The following PBX3 variants were observed in gnomAD, a reference collection of about 807,000 sequenced individuals.
PBX3 encodes the protein pre-B-cell leukemia transcription factor 3.
A neutral mutation model predicts 48.5 loss-of-function variants in PBX3; 14 were observed. That is an observed-to-expected ratio of 0.29 (90% CI 0.19 to 0.45). PBX3 has a LOEUF of 0.45. Among genes scored for constraint, PBX3 ranks in the 20% least tolerant of loss-of-function variants. The pLI is 1.00. For missense variants in PBX3, 386 were observed against 546.7 expected (o/e 0.71, Z 2.93); for synonymous variants, 210 against 200.3 (o/e 1.05, Z -0.41).
intron 2 of PBX3, among the ~76,000 whole-genome samples, chr9:125,848,272 A>G (rs1304145558): frequency 2.0e-5 from 3 of 152,058 alleles, no homozygotes; most frequent in African/African-American, 7.2e-5. Context: ...ACCTCAAGGT[A>G]TAGTCTCTTG....
intron 5 of PBX3, among the ~76,000 whole-genome samples, chr9:125,940,330 A>G (rs1406521917): frequency 6.6e-6 from 1 of 152,228 alleles, no homozygotes; most frequent in African/African-American, 2.4e-5. Flanking sequence ...AAACCTGCAT[A>G]TATAAGGCAA....
chr9:125,862,643 C>G (rs1305388212), intron 2 of PBX3, among the ~76,000 whole-genome samples: 1 of 152,060 alleles, frequency 6.6e-6, no homozygotes, highest in Non-Finnish European at 1.5e-5. Context: ...CCTTGGACTC[C>G]CAAAGTGCTG....
At chr9:125,927,295 A>G (rs1841599243) in intron 3 of PBX3, among the ~76,000 whole-genome samples, 1 of 152,252 alleles carries the variant, frequency 6.6e-6, no homozygotes, top group South Asian at 2.1e-4. Flanking sequence ...GTCACCACTC[A>G]CAAGGAATTT....
chr9:125,957,707 A>T (rs1057039990), intron 5 of PBX3, among the ~76,000 whole-genome samples: 1 of 152,164 alleles, frequency 6.6e-6, no homozygotes, highest in Non-Finnish European at 1.5e-5. Flanking sequence ...TCCAACAGAG[A>T]ATTGTTTGGA....
intron 2 of PBX3, among the ~76,000 whole-genome samples, chr9:125,856,793 A>G (rs926135302): frequency 6.6e-6 from 1 of 152,202 alleles, no homozygotes; most frequent in Non-Finnish European, 1.5e-5. Flanking sequence ...AGTGGTTATC[A>G]TGGTTGCCTC....
chr9:125,869,668 A>T (rs1016267294), intron 2 of PBX3, among the ~76,000 whole-genome samples: 1 of 152,202 alleles, frequency 6.6e-6, no homozygotes, highest in African/African-American at 2.4e-5. Context: ...AAATACCTGG[A>T]GCATGGGCAA....
intron 3 of PBX3, among the ~76,000 whole-genome samples, chr9:125,918,558 A>G (rs1478545933): frequency 6.6e-6 from 1 of 152,180 alleles, no homozygotes; most frequent in Non-Finnish European, 1.5e-5. Context: ...CGATCTAAAT[A>G]TATAGTTCCT....
chr9:125,918,309 A>AT (rs1459360715), intron 3 of PBX3, among the ~76,000 whole-genome samples: 1 of 151,994 alleles, frequency 6.6e-6, no homozygotes, highest in Non-Finnish European at 1.5e-5. Flanking sequence ...ATCCTACAAA[A>AT]TTTTCCATGA....
intron 2 of PBX3, among the ~76,000 whole-genome samples, chr9:125,867,829 T>C (rs1168803451): frequency 2.6e-5 from 4 of 151,718 alleles, no homozygotes; most frequent in Non-Finnish European, 4.4e-5. Flanking sequence ...CACATACATA[T>C]ATATATACAC....
rs1447924303 is a variant in PBX3 at position 125,781,579 on chromosome 9, G to GGAGAGGC, written c.274+32970_274+32976dup. Among the ~76,000 whole-genome samples the GGAGAGGC allele has an allele frequency of 3.5e-3, 524 of 148,376 alleles. 5 individuals carry two copies. Among genetic ancestry groups the GGAGAGGC allele is most frequent in the African/African-American group, 0.011 (458 of 40,350 alleles). On this transcript the variant is annotated intron_variant, in intron 2 of 8. Transcript: ENST00000373489. The stretch of plus-strand genomic sequence containing the variant: ...GAGGGGAGAGGCGAGAGGGGAGAGG[G>GGAGAGGC]GAGAGGCGAGAGGCGAGAGGGAGAG...
intron 2 of PBX3, among the ~76,000 whole-genome samples, chr9:125,754,823 CTTT>C (rs1298633063): frequency 1.3e-5 from 2 of 151,892 alleles, no homozygotes; most frequent in Admixed American, 1.3e-4. Context: ...ATTGGCGTAA[CTTT>C]TTTTGTATAA....
At chr9:125,775,302 G>T (rs12684530) in intron 2 of PBX3, among the ~76,000 whole-genome samples, 3,055 of 152,196 alleles carry the variant, frequency 0.02, 167 homozygotes, top group East Asian at 0.17. Context: ...CTTTTTGTGT[G>T]CTCGTTGGTC....
chr9:125,824,838 A>G lies in PBX3; in HGVS notation c.274+76215A>G, dbSNP rs146666386. Among the ~76,000 whole-genome samples the G allele has an allele frequency of 2.0e-3, 307 of 152,296 alleles. 2 individuals carry two copies. Among genetic ancestry groups the G allele is most frequent in the African/African-American group, 7.1e-3 (296 of 41,564 alleles). ...TTATGTAACAATAACGATAGCTACC[A>G]TTGACTGAACGTTGACTGTTTGCCA... On this transcript the variant is annotated intron_variant, in intron 2 of 8. Transcript: ENST00000373489.
chr9:125,798,092 A>AT, intron 2 of PBX3, among the ~76,000 whole-genome samples: 1 of 152,290 alleles, frequency 6.6e-6, no homozygotes, highest in East Asian at 1.9e-4. Context: ...ACGTTTCTGT[A>AT]TATAAAGCAA....
intron 7 of PBX3, among the ~76,000 whole-genome samples, chr9:125,962,516 G>A (rs1192376569): frequency 6.6e-6 from 1 of 152,212 alleles, no homozygotes; most frequent in Non-Finnish European, 1.5e-5. Context: ...GTGCCAGTGT[G>A]TATATGGTTT....
At chr9:125,841,448 G>A (rs934887295) in intron 2 of PBX3, among the ~76,000 whole-genome samples, 2 of 152,132 alleles carry the variant, frequency 1.3e-5, no homozygotes, top group African/African-American at 4.8e-5. Context: ...TTGAACTTGT[G>A]ATGTGGTAGG....
chr9:125,788,581 G>A (rs1439862128), intron 2 of PBX3, among the ~76,000 whole-genome samples: 1 of 152,096 alleles, frequency 6.6e-6, no homozygotes, highest in African/African-American at 2.4e-5. Flanking sequence ...GTAACTGAAA[G>A]CTTGCTGTGG....
intron 2 of PBX3, among the ~76,000 whole-genome samples, chr9:125,778,965 G>A (rs1045758483): frequency 1.5e-5 from 2 of 131,564 alleles, no homozygotes; most frequent in Non-Finnish European, 3.2e-5. Context: ...TTACATTCAC[G>A]ATGTTGTGCA....
At chr9:125,938,284 A>C (rs1841882127) in intron 5 of PBX3, among the ~76,000 whole-genome samples, 1 of 152,230 alleles carries the variant, frequency 6.6e-6, no homozygotes, top group African/African-American at 2.4e-5. Flanking sequence ...AGACTGATAG[A>C]TTCAGTGGTA....
Sources: gnomAD v4.1 joint callset for allele counts (sites outside exome capture counted in the v4.1 genomes callset) on GRCh38, gnomAD v4.1.1 for gene constraint, MANE v1.5 for transcripts, NCBI Gene and HGNC (gene_info 2026-07-23, HGNC 2026-07-21) for gene names.